Variants in PDE1A observed in about 807,000 individuals in gnomAD.
The protein encoded by PDE1A is phosphodiesterase 1A, also known as dual specificity calcium/calmodulin-dependent 3',5'-cyclic nucleotide phosphodiesterase 1A.
PDE1A carries 35 observed loss-of-function variants against 61.7 expected under a neutral mutation model. The observed-to-expected ratio is 0.57, with a 90% CI of 0.43 to 0.75. The LOEUF (loss-of-function observed/expected upper bound fraction) is 0.75, where lower values mean the gene tolerates loss of function less well. Among genes scored for constraint, PDE1A ranks in the 30% least tolerant of loss-of-function variants. PDE1A has a pLI of 0.00. For missense variants in PDE1A, 597 were observed against 630.6 expected, an observed-to-expected ratio of 0.95 and a Z score of 0.57; for synonymous variants, 232 against 213.2, an observed-to-expected ratio of 1.09 and a Z score of -0.77.
the PDE1A span, among the ~76,000 whole-genome samples, chr2:182,655,361 C>A: frequency 6.6e-6 from 1 of 152,212 alleles, no homozygotes; most frequent in Non-Finnish European, 1.5e-5. Context: ...GGTGTTTTCA[C>A]TAGGATGTTA....
intron 2 of PDE1A, among the ~76,000 whole-genome samples, chr2:182,433,806 C>A: frequency 6.6e-6 from 1 of 152,064 alleles, no homozygotes; most frequent in East Asian, 1.9e-4. Context: ...GGCTCATTCC[C>A]CACTACCTGT....
rs936018589 is a variant in PDE1A at position 182,280,124 on chromosome 2, T to C, written c.54-15710A>G. ...AGCTGAATAGTGTATGAAGATTACA[T>C]TTCCATGCCTTTGGGTTTTTTTTAT... On this transcript the variant is annotated intron_variant, in intron 1 of 13. Transcript: ENST00000351439. Among the ~76,000 whole-genome samples the C allele has an allele frequency of 7.3e-4, 110 of 150,910 alleles. 7 individuals carry two copies. The highest frequency in any genetic ancestry group is 1.5e-5 in the Non-Finnish European group (1 of 67,870).
intron 2 of PDE1A, among the ~76,000 whole-genome samples, chr2:182,256,035 CTTCT>C (rs1260200084): frequency 7.0e-5 from 3 of 42,678 alleles, no homozygotes; most frequent in African/African-American, 2.6e-4. Context: ...CCAAGGATGA[CTTCT>C]TTTTTTTTTT....
intron 10 of PDE1A, among the ~76,000 whole-genome samples, chr2:182,192,591 C>T (rs1166555823): frequency 2.6e-5 from 4 of 152,030 alleles, no homozygotes; most frequent in Admixed American, 6.6e-5. Context: ...CAGAGGTCAT[C>T]GCAATAAGCA....
intron 2 of PDE1A, among the ~76,000 whole-genome samples, chr2:182,446,249 C>A (rs184369581): frequency 7.9e-5 from 12 of 152,070 alleles, no homozygotes; most frequent in African/African-American, 2.9e-4. Context: ...TACCACATCT[C>A]CTGCCTAGAA....
chr2:182,637,529 A>G, the PDE1A span, among the ~76,000 whole-genome samples: 1 of 152,228 alleles, frequency 6.6e-6, no homozygotes, highest in Admixed American at 6.5e-5. Context: ...AAAAGAGCTC[A>G]TATCAGTGTG....
rs894465025 is a variant in PDE1A, at chr2:182,378,910, T to C, written c.53+47668A>G. On this transcript the variant is annotated intron_variant, in intron 1 of 13. Coordinates refer to ENST00000351439, the Ensembl canonical transcript of PDE1A. ...TTTAAAGGTCATTCTTATTTTAACA[T>C]AGCTTTATCTGTATCAAAACTAGAT... Among the ~76,000 whole-genome samples the C allele has an allele frequency of 1.1e-4, 16 of 152,220 alleles. 1 individual carries two copies. The highest frequency in any genetic ancestry group is 3.9e-4 in the African/African-American group (16 of 41,462).
the PDE1A span, among the ~76,000 whole-genome samples, chr2:182,612,623 A>C: frequency 6.6e-6 from 1 of 152,262 alleles, no homozygotes; most frequent in Non-Finnish European, 1.5e-5. Context: ...TTATCTTGCA[A>C]GGCAAGAACG....
chr2:182,679,350 A>ATTT, the PDE1A span, among the ~76,000 whole-genome samples: 46 of 119,424 alleles, frequency 3.9e-4, 1 homozygote, highest in African/African-American at 6.9e-4. Context: ...TGCTCAGCTA[A>ATTT]TTTTTTTTTT....
At chr2:182,677,981 T>A in the PDE1A span, among the ~76,000 whole-genome samples, 1 of 152,216 alleles carries the variant, frequency 6.6e-6, no homozygotes, top group Non-Finnish European at 1.5e-5. Flanking sequence ...ATAGAAACTT[T>A]CTTAATATAT....
At chr2:182,644,183 C>T in the PDE1A span, among the ~76,000 whole-genome samples, 4 of 128,040 alleles carry the variant, frequency 3.1e-5, no homozygotes, top group African/African-American at 1.1e-4. Flanking sequence ...AGCTTCTACA[C>T]CTGAGGATTT....
chr2:182,229,899 T>C (rs1191840670), intron 6 of PDE1A, 107 bp downstream of exon 6: 1 of 683,670 alleles, frequency 1.5e-6, no homozygotes, highest in Non-Finnish European at 2.3e-6. Context: ...ATAATACTTA[T>C]TACTTAGAAT....
chr2:182,228,926 T>A (rs865828280), intron 6 of PDE1A, among the ~76,000 whole-genome samples: 5 of 152,184 alleles, frequency 3.3e-5, no homozygotes, highest in Admixed American at 1.3e-4. Flanking sequence ...AAAGTGACTA[T>A]GTGATCTTTG....
At chr2:182,441,535 A>G (rs948875411) in intron 2 of PDE1A, among the ~76,000 whole-genome samples, 23 of 152,126 alleles carry the variant, frequency 1.5e-4, no homozygotes, top group Non-Finnish European at 2.9e-4. Flanking sequence ...AATATAATAT[A>G]TACAACCCTA....
intron 1 of PDE1A, among the ~76,000 whole-genome samples, chr2:182,317,377 C>T (rs1696403506): frequency 1.3e-5 from 2 of 151,974 alleles, no homozygotes; most frequent in South Asian, 4.1e-4. Context: ...AGGACTACAG[C>T]CATTACATTA....
chr2:182,388,253 C>T (rs767260334), intron 1 of PDE1A, among the ~76,000 whole-genome samples: 2 of 152,166 alleles, frequency 1.3e-5, no homozygotes, highest in African/African-American at 2.4e-5. Context: ...CAACACTCCA[C>T]TTTCAGCAAT....
chr2:182,561,692 G>A, the PDE1A span, among the ~76,000 whole-genome samples: 1 of 152,048 alleles, frequency 6.6e-6, no homozygotes, highest in Non-Finnish European at 1.5e-5. Context: ...CCATGAGCAT[G>A]GAATGTTCTT....
At chr2:182,677,627 G>A in the PDE1A span, among the ~76,000 whole-genome samples, 2 of 152,068 alleles carry the variant, frequency 1.3e-5, no homozygotes, top group East Asian at 1.9e-4. Flanking sequence ...GACTTCAAAC[G>A]ATGCTACAGG....
intron 13 of PDE1A, among the ~76,000 whole-genome samples, chr2:182,173,302 C>T (rs998120751): frequency 6.6e-6 from 1 of 151,958 alleles, no homozygotes; most frequent in African/African-American, 2.4e-5. Context: ...TGAGTTGTAC[C>T]TTTGTAATAA....
Sources: allele counts gnomAD v4.1 joint callset (sites outside exome capture counted in the v4.1 genomes callset), GRCh38; gene constraint gnomAD v4.1.1; transcripts MANE v1.5; gene names NCBI Gene and HGNC (gene_info 2026-07-23, HGNC 2026-07-21).